Variants in RNF213 observed in about 807,000 individuals in gnomAD.
The protein encoded by RNF213 is ring finger protein 213.
A neutral mutation model predicts 514.4 loss-of-function variants in RNF213; 341 were observed. The ratio of observed to expected loss-of-function variants is 0.66; its 90% confidence interval spans 0.61 to 0.73. RNF213 has a LOEUF of 0.73. Among genes scored for constraint, RNF213 ranks in the 30% least tolerant of loss-of-function variants. RNF213 has a pLI of 0.00. For missense variants in RNF213, 5,767 were observed against 6,615.6 expected (o/e 0.87, Z 4.45); for synonymous variants, 2,655 against 2,658.2 (o/e 1.00, Z 0.04).
chr17:80,354,357 TC>T, intron 35 of RNF213, 83 bp from the exon 36 acceptor site: 1 of 1,605,116 alleles, frequency 6.2e-7, no homozygotes, highest in Non-Finnish European at 8.5e-7. Flanking sequence ...GGACTTCCCT[TC>T]CTGGGGGAGG....
In RNF213 at chr17:80,381,622, G is replaced by A. The variant is rs748968968; in HGVS notation, c.13873G>A (p.Glu4625Lys). Residue 4625 changes from glutamate (E) to lysine (K), a missense_variant, in exon 57 of 68, where the codon GAG (glutamate) becomes AAG (lysine). Glu to Lys is a moderately conservative substitution (Grantham distance 56). Around this residue, in one of 13 missense-constraint regions of RNF213, gnomAD observed 1,245 missense variants for 1,339.0 expected, o/e 0.93. Coordinates refer to ENST00000582970, the MANE Select transcript of RNF213 (RefSeq NM_001256071.3). ...FLQQHILKDL[E>K]QLAKMLGHSA... ...GCAGCAGCACATCCTGAAGGACCTGGAGCAGTTGGCCAAGATGCTGGGACA... is the reference window on the plus strand; with the variant it reads ...GCAGCAGCACATCCTGAAGGACCTGAAGCAGTTGGCCAAGATGCTGGGACA... 7 of 1,614,118 alleles carry A rather than the reference G, an allele frequency of 4.3e-6. No homozygotes were observed. In the African/African-American group the frequency reaches 9.3e-5, roughly 22 times the overall value.
At chr17:80,312,269 G>A (rs2045596863) in intron 14 of RNF213, among the ~76,000 whole-genome samples, 1 of 152,344 alleles carries the variant, frequency 6.6e-6, no homozygotes. Context: ...ACAGAGGGAG[G>A]AGGAAGGAGA....
At position 80,377,071 on chromosome 17, in the gene RNF213, G is replaced by A; in HGVS notation, c.13510+108G>A. ...GGGGTCCACGTGGTTTGTGCCTCAG[G>A]GTCCAAAACCACCTGCATTCTACCG... On this transcript the variant is annotated intron_variant, in intron 53 of 67. Transcript: ENST00000582970. The surrounding 1 kb of genome is among the most constrained non-coding windows in gnomAD (Gnocchi z 4.1). The A allele has an allele frequency of 2.4e-6, 2 of 831,480 alleles. No individual in the cohort carries two copies. The highest frequency in any genetic ancestry group is 2.0e-6 in the Non-Finnish European group (1 of 497,346). 51.5% of individuals were successfully genotyped at this position (831,480 alleles called of 1,614,324 possible).
intron 11 of RNF213, among the ~76,000 whole-genome samples, chr17:80,301,661 G>C (rs574333858): frequency 1.4e-4 from 22 of 152,282 alleles, no homozygotes; most frequent in Non-Finnish European, 3.2e-4. Context: ...TGAGGATGTG[G>C]GAAAGAGAAA....
chr17:80,269,656 CAAT>C (rs1159789882), intron 2 of RNF213, among the ~76,000 whole-genome samples: 4 of 152,124 alleles, frequency 2.6e-5, no homozygotes, highest in Admixed American at 1.3e-4. Flanking sequence ...ATTCATCCAT[CAAT>C]CTATCCATCC....
At chr17:80,271,238 G>T (rs1598886018) in intron 2 of RNF213, among the ~76,000 whole-genome samples, 1 of 152,164 alleles carries the variant, frequency 6.6e-6, no homozygotes, top group East Asian at 1.9e-4. Context: ...TTACTTTCTG[G>T]CTGTGATGTT....
At chr17:80,373,863 C>T (rs902253159) in intron 49 of RNF213, among the ~76,000 whole-genome samples, 5 of 151,954 alleles carry the variant, frequency 3.3e-5, no homozygotes, top group Non-Finnish European at 5.9e-5. Context: ...ATTAGCTGGA[C>T]ATGATGGTGG....
rs1034558629 is a variant in RNF213, at chr17:80,343,009, C to T, written c.5990-123C>T. 6 of 778,398 alleles carry T rather than the reference C, an allele frequency of 7.7e-6. No homozygotes were observed. The highest frequency in any genetic ancestry group is 5.4e-5 in the East Asian group (2 of 37,002). The allele number at this position is 778,398 out of a possible 1,614,324, so 48.2% of individuals were successfully genotyped here. ...TTTTAGTAGGGACGGGATTTCACCA[C>T]GTTGACCAGGCTGGCTTTGAACTCC... On this transcript the variant is annotated intron_variant, in intron 26 of 67. Coordinates refer to ENST00000582970, the MANE Select transcript of RNF213 (RefSeq NM_001256071.3). This position sits in a 1 kb window ranked among gnomAD's most constrained non-coding sequence, Gnocchi z 4.3.
intron 25 of RNF213, 133 bp from the exon 26 acceptor site, chr17:80,339,068 T>C: frequency 1.9e-6 from 1 of 526,878 alleles, no homozygotes; most frequent in Admixed American, 4.0e-5. Flanking sequence ...GAGGGAGGCC[T>C]TGTGAGCGCA....
chr17:80,383,832 C>T lies in RNF213; in HGVS notation c.14226C>T (p.Ser4742=). 6.2e-7 allele frequency: 1 copy of T among 1,614,128 alleles called. No homozygotes were observed. The highest frequency in any genetic ancestry group is 8.5e-7 in the Non-Finnish European group (1 of 1,180,024). Residue 4742 remains serine, a synonymous_variant, in exon 59 of 68, where the codon AGC becomes AGT. Transcript: ENST00000582970. ...KSVVHCSKIW[S]CRKRITVEYL... is the part of the protein sequence containing the mutation. ...TGGTCCATTGCTCTAAGATTTGGAG[C>T]TGCAGGAAAAGAATTACAGTTGAGT...
At chr17:80,389,499 C>T (rs1005010692) in intron 65 of RNF213, 132 bp downstream of exon 65, 1 of 797,872 alleles carries the variant, frequency 1.3e-6, no homozygotes, top group African/African-American at 1.7e-5. Flanking sequence ...AGAACAACTG[C>T]TCACCCAGTC....
At chr17:80,371,661 G>T in intron 46 of RNF213, 1 of 466,918 alleles carries the variant, frequency 2.1e-6, no homozygotes, top group South Asian at 2.6e-5. Flanking sequence ...TGAAACCAAA[G>T]TTTGAGGACA....
intron 2 of RNF213, among the ~76,000 whole-genome samples, chr17:80,272,678 C>T (rs921672053): frequency 6.6e-6 from 1 of 152,176 alleles, no homozygotes; most frequent in Non-Finnish European, 1.5e-5. Flanking sequence ...AAAGTGCGTC[C>T]ACACCACAAT....
chr17:80,302,677 A>T (rs1423482007), intron 11 of RNF213, among the ~76,000 whole-genome samples: 1 of 152,102 alleles, frequency 6.6e-6, no homozygotes, highest in Non-Finnish European at 1.5e-5. Flanking sequence ...GCACATAGTA[A>T]AACCCAGTTT....
Position 80,345,903 on chromosome 17 carries a change from C to T in RNF213, c.7568C>T (p.Ala2523Val). The T allele has an allele frequency of 6.2e-7, 1 of 1,614,186 alleles. No individual in the cohort carries two copies. Among genetic ancestry groups the T allele is most frequent in the East Asian group, 2.2e-5 (1 of 44,892 alleles). Residue 2523 changes from alanine (A) to valine (V), a missense_variant, in exon 29 of 68, where the codon GCC becomes GTC. Physicochemically the swap from Ala to Val is moderately conservative, Grantham distance 64. This residue lies in a region of RNF213 where 1,377 missense variants were observed against 1,635.2 expected (regional missense o/e 0.84). Transcript: ENST00000582970. This position sits in a 1 kb window ranked among gnomAD's most constrained non-coding sequence, Gnocchi z 6.0. Reference protein sequence around the residue: ...AEDSGLHIIAACNPYRKHSEE... With the variant: ...AEDSGLHIIAVCNPYRKHSEE... Reference sequence around the variant, plus strand: ...GACTCTGGCCTGCATATTATAGCTGCCTGCAATCCATACCGGAAGCACTCT... The same window carrying T: ...GACTCTGGCCTGCATATTATAGCTGTCTGCAATCCATACCGGAAGCACTCT...
chr17:80,280,371 C>T (rs1465467941), intron 3 of RNF213, among the ~76,000 whole-genome samples: 1 of 152,216 alleles, frequency 6.6e-6, no homozygotes, highest in Non-Finnish European at 1.5e-5. Context: ...GCAGAGATGT[C>T]TGCTGTCACC....
intron 8 of RNF213, among the ~76,000 whole-genome samples, chr17:80,293,389 T>C (rs1384627676): frequency 6.6e-6 from 1 of 152,104 alleles, no homozygotes; most frequent in Non-Finnish European, 1.5e-5. Flanking sequence ...CTAGAGAGTG[T>C]ACTCTGAGAA....
At position 80,342,982 on chromosome 17, in the gene RNF213, A is replaced by G. The variant is rs113543071; in HGVS notation, c.5990-150A>G. The G allele has an allele frequency of 2.2e-3, 1,367 of 631,342 alleles. 17 individuals are homozygous for G. The African/African-American group carries it at 0.023, about 10-fold the overall frequency. 39.1% of individuals were successfully genotyped at this position (631,342 alleles called of 1,614,324 possible). On this transcript the variant is annotated intron_variant, in intron 26 of 67. Coordinates refer to ENST00000582970, the MANE Select transcript of RNF213 (RefSeq NM_001256071.3). Reference sequence around the variant, plus strand: ...CACCACGCCTGGCTAATTTTTTTGTATTTTTAGTAGGGACGGGATTTCACC... The same window carrying G: ...CACCACGCCTGGCTAATTTTTTTGTGTTTTTAGTAGGGACGGGATTTCACC...
At chr17:80,284,222 G>C (rs1818540960) in intron 3 of RNF213, among the ~76,000 whole-genome samples, 1 of 152,156 alleles carries the variant, frequency 6.6e-6, no homozygotes, top group Admixed American at 6.6e-5. Context: ...AAATTAGCCG[G>C]GCATGATGGC....
Sources: allele counts gnomAD v4.1 joint callset (sites outside exome capture counted in the v4.1 genomes callset), GRCh38; gene constraint gnomAD v4.1.1; regional missense constraint gnomAD v4.1.1; non-coding constraint Gnocchi (gnomAD v3.1); transcripts MANE v1.5; gene names NCBI Gene and HGNC (gene_info 2026-07-23, HGNC 2026-07-21).